The following WDHD1 variants were observed in gnomAD, a reference collection of about 807,000 sequenced individuals.
WDHD1 encodes the protein WD repeat and HMG-box DNA binding protein 1, also known as WD repeat and HMG-box DNA-binding protein 1.
WDHD1 carries 111 observed loss-of-function variants against 135.4 expected under a neutral mutation model. That is an observed-to-expected ratio of 0.82 (90% CI 0.70 to 0.96). The LOEUF (loss-of-function observed/expected upper bound fraction) is 0.96. WDHD1 is among the 40% of genes least tolerant of loss of function. The pLI is 0.00. For missense variants in WDHD1, 1,351 were observed against 1,336.3 expected, an observed-to-expected ratio of 1.01 and a Z score of -0.17; for synonymous variants, 434 against 439.0, an observed-to-expected ratio of 0.99 and a Z score of 0.14.
rs114911405 is a variant in WDHD1, at chr14:54,955,417, T to C, written c.3050+144A>G. ...TAGACATTAATATTTGTGGCTTCCT[T>C]ATAGTCACAAGTGTCCAGAATGCCC... On this transcript the variant is annotated intron_variant, in intron 24 of 25. Coordinates refer to ENST00000360586, the MANE Select transcript of WDHD1 (RefSeq NM_007086.4). The C allele has an allele frequency of 2.7e-3, 1,693 of 627,388 alleles. 22 individuals are homozygous for C. The African/African-American group carries it at 0.03, about 11-fold the overall frequency. 38.9% of individuals were successfully genotyped at this position (627,388 alleles called of 1,614,324 possible).
At chr14:54,993,680 T>C (rs947142355) in intron 11 of WDHD1, among the ~76,000 whole-genome samples, 1 of 152,146 alleles carries the variant, frequency 6.6e-6, no homozygotes, top group Non-Finnish European at 1.5e-5. Context: ...TCCAGAAAAG[T>C]AGATGAGAGA....
Position 55,010,328 on chromosome 14 carries a change from T to C in WDHD1, c.322A>G (p.Lys108Glu). 3 of 1,604,940 alleles carry C rather than the reference T, an allele frequency of 1.9e-6. No individual in the cohort carries two copies. Among genetic ancestry groups the C allele is most frequent in the Admixed American group, 1.7e-5 (1 of 57,688 alleles). ...NHVVFNGDGT[K>E]IAAGSSDFLV... is the part of the protein sequence containing the mutation. Reference sequence around the variant, plus strand: ...CCTTACCTAGATCCAGCAGCAATTTTAGTACCATCCCCATTAAAGACCACA... The same window carrying C: ...CCTTACCTAGATCCAGCAGCAATTTCAGTACCATCCCCATTAAAGACCACA... Residue 108 changes from lysine (K) to glutamate (E), a missense_variant, in exon 4 of 26, where the codon AAA becomes GAA. Lys to Glu is a moderately conservative substitution (Grantham distance 56, BLOSUM62 1). Around this residue, in one of 2 missense-constraint regions of WDHD1, gnomAD observed 1,330 missense variants for 1,296.1 expected, o/e 1.03. Transcript: ENST00000360586.
chr14:54,964,965 A>G (rs2041317888), intron 18 of WDHD1, among the ~76,000 whole-genome samples: 1 of 152,244 alleles, frequency 6.6e-6, no homozygotes, highest in African/African-American at 2.4e-5. Flanking sequence ...AACTTTTTCT[A>G]CAATAAACTG....
intron 18 of WDHD1, among the ~76,000 whole-genome samples, chr14:54,964,083 G>C (rs1262832413): frequency 6.6e-6 from 1 of 152,140 alleles, no homozygotes; most frequent in African/African-American, 2.4e-5. Flanking sequence ...ACTCTAGCCT[G>C]GGTAACAGAG....
chr14:54,942,972 G>T (rs573872281), intron 25 of WDHD1, among the ~76,000 whole-genome samples: 1 of 152,286 alleles, frequency 6.6e-6, no homozygotes, highest in East Asian at 1.9e-4. Context: ...ACATAAAATT[G>T]TAAATGAGGT....
At chr14:55,017,704 G>A (rs777034162) in intron 2 of WDHD1, among the ~76,000 whole-genome samples, 2 of 152,032 alleles carry the variant, frequency 1.3e-5, no homozygotes, top group Non-Finnish European at 1.5e-5. Context: ...CTTGAATTTG[G>A]AATTACAATT....
At chr14:55,007,080 T>A (rs1373322399) in intron 7 of WDHD1, among the ~76,000 whole-genome samples, 200 bp downstream of exon 7, 3 of 151,704 alleles carry the variant, frequency 2.0e-5, no homozygotes, top group Admixed American at 2.0e-4. Context: ...TACAAAAAAT[T>A]AGCTGGGCAT....
At position 54,995,620 on chromosome 14, in the gene WDHD1, T is replaced by G. The variant is rs2041864822; in HGVS notation, c.1136A>C (p.Asp379Ala). ...RPRQRSHILEDDENSVDISML... is the reference protein window; with the variant it reads ...RPRQRSHILEADENSVDISML... ...ATTCTTACCAACTGAGTTTTCATCA[T>G]CTTCTAGGATGTGACTTCGCTGTCT... The change falls in exon 11 of 26, where the codon GAT becomes GCT. Residue 379 changes from aspartate (D) to alanine (A), a missense_variant. Physicochemically the swap from Asp to Ala is moderately radical, Grantham distance 126 (BLOSUM62 -2). Transcript: ENST00000360586. The G allele has an allele frequency of 2.5e-6, 4 of 1,594,662 alleles. No individual in the cohort carries two copies. The highest frequency in any genetic ancestry group is 3.4e-6 in the Non-Finnish European group (4 of 1,171,966).
In WDHD1 at chr14:54,987,132, T is replaced by G. The variant is rs201981252; in HGVS notation, c.1768+14A>C. On this transcript the variant is annotated intron_variant, in intron 14 of 25. Coordinates refer to ENST00000360586, the MANE Select transcript of WDHD1 (RefSeq NM_007086.4). The stretch of plus-strand genomic sequence containing the variant: ...CATTTTACTTCAAGTCATAAAAGAC[T>G]GAAAAAAATCTACCTCTGTGATAAA... 6.2e-7 allele frequency: 1 copy of G among 1,610,578 alleles called. No individual in the cohort carries two copies. The highest frequency in any genetic ancestry group is 2.2e-5 in the East Asian group (1 of 44,822).
chr14:54,972,941 T>C (rs2041465062), intron 16 of WDHD1, among the ~76,000 whole-genome samples: 1 of 152,240 alleles, frequency 6.6e-6, no homozygotes, highest in African/African-American at 2.4e-5. Context: ...TGTCTAAACC[T>C]GTTCTGAGTA....
chr14:54,966,446 A>G, intron 18 of WDHD1, 29 bp downstream of exon 18: 1 of 1,581,254 alleles, frequency 6.3e-7, no homozygotes, highest in South Asian at 1.2e-5. Flanking sequence ...ATTTAACTTT[A>G]ACGTTTTCAG....
rs149016360 is a variant in WDHD1 at position 55,003,783 on chromosome 14, C to T, written c.601-1598G>A. On this transcript the variant is annotated intron_variant, in intron 7 of 25. Coordinates refer to ENST00000360586, the MANE Select transcript of WDHD1 (RefSeq NM_007086.4). ...CTTATCATGTTGGCCAGGCTGGTCT[C>T]GAACTCCTGACCTCAGGGGATCCAC... Among the ~76,000 whole-genome samples, 7 of 151,970 alleles carry T rather than the reference C, an allele frequency of 4.6e-5. No homozygotes were observed. In the East Asian group the frequency reaches 1.2e-3, roughly 25 times the overall value.
intron 10 of WDHD1, 56 bp from the exon 11 acceptor site, chr14:54,995,869 A>G (rs1047948993): frequency 4.8e-5 from 66 of 1,380,012 alleles, no homozygotes; most frequent in Non-Finnish European, 6.0e-5. Flanking sequence ...GAAAAACTCA[A>G]TTACTAAAAA....
In WDHD1 at chr14:54,941,632, C is replaced by A; in HGVS notation, c.3248G>T (p.Arg1083Leu). Residue 1083 changes from arginine (R) to leucine (L), a missense_variant, in exon 26 of 26, where the codon CGA becomes CTA. Arg to Leu is a moderately radical substitution (Grantham distance 102, BLOSUM62 -2). Transcript: ENST00000360586. ...TASEGTEAKK[R>L]KRVVDESDET... is the part of the protein sequence containing the mutation. Reference sequence around the variant, plus strand: ...ATCACTTTCATCAACCACACGTTTTCGCTTCTTTGCTTCAGTTCCTTCACT... The same window carrying A: ...ATCACTTTCATCAACCACACGTTTTAGCTTCTTTGCTTCAGTTCCTTCACT... 6.2e-7 allele frequency: 1 copy of A among 1,613,958 alleles called. No individual in the cohort carries two copies. Among genetic ancestry groups the A allele is most frequent in the East Asian group, 2.2e-5 (1 of 44,862 alleles).
chr14:54,988,706 T>C (rs2041734174), intron 13 of WDHD1, among the ~76,000 whole-genome samples: 3 of 150,946 alleles, frequency 2.0e-5, no homozygotes. Flanking sequence ...TTTTTTTCTT[T>C]ACAATGAATG....
intron 16 of WDHD1, among the ~76,000 whole-genome samples, chr14:54,974,411 C>A (rs2041488713): frequency 6.9e-6 from 1 of 144,116 alleles, no homozygotes; most frequent in African/African-American, 2.6e-5. Context: ...CCAGTCTGGG[C>A]AACAGAGAGA....
chr14:55,005,608 G>T, intron 7 of WDHD1: 1 of 598,770 alleles, frequency 1.7e-6, no homozygotes, highest in Non-Finnish European at 3.2e-6. Flanking sequence ...CAAAGCTGGT[G>T]CTACCTAAGT....
chr14:54,956,975 A>C, intron 23 of WDHD1, 59 bp downstream of exon 23: 1 of 1,561,150 alleles, frequency 6.4e-7, no homozygotes, highest in South Asian at 1.2e-5. Context: ...CAGTGAACAA[A>C]ACTGAAGACA....
chr14:54,984,954 T>G, intron 14 of WDHD1, 94 bp from the exon 15 acceptor site: 1 of 1,501,166 alleles, frequency 6.7e-7, no homozygotes, highest in Non-Finnish European at 9.0e-7. Context: ...TTGTGGTAAA[T>G]TACTAGACTG....
Sources: gnomAD v4.1 joint callset for allele counts (sites outside exome capture counted in the v4.1 genomes callset) on GRCh38, gnomAD v4.1.1 for gene constraint, gnomAD v4.1.1 regional missense constraint, MANE v1.5 for transcripts, NCBI Gene and HGNC (gene_info 2026-07-23, HGNC 2026-07-21) for gene names.